ZHX2: variants seen among roughly 807,000 people sequenced by gnomAD.
The protein encoded by ZHX2 is zinc fingers and homeoboxes 2.
Under a neutral mutation model 21.9 loss-of-function variants are expected in ZHX2, and 6 were observed. The observed-to-expected ratio is 0.27, with a 90% CI of 0.15 to 0.54. The LOEUF (loss-of-function observed/expected upper bound fraction) is 0.54. ZHX2 is among the 20% of genes least tolerant of loss of function. The pLI is 0.95. For missense variants in ZHX2, 908 were observed against 1,090.7 expected, an observed-to-expected ratio of 0.83 and a Z score of 2.36; for synonymous variants, 434 against 437.1, an observed-to-expected ratio of 0.99 and a Z score of 0.09.
At chr8:122,809,304 C>G (rs1817880296) in intron 1 of ZHX2, 1 of 152,200 alleles carries the variant, frequency 6.6e-6, no homozygotes, top group South Asian at 2.1e-4. Flanking sequence ...TCAAGACCAG[C>G]CTGGCCAAAA....
intron 2 of ZHX2, among the ~76,000 whole-genome samples, chr8:122,950,214 T>G (rs1813074193): frequency 6.6e-6 from 1 of 152,034 alleles, no homozygotes; most frequent in Non-Finnish European, 1.5e-5. Context: ...AAAAACGAAA[T>G]AAATTTCCAA....
chr8:122,791,348 C>T (rs1043165887), intron 1 of ZHX2, among the ~76,000 whole-genome samples: 2 of 152,206 alleles, frequency 1.3e-5, no homozygotes, highest in Non-Finnish European at 2.9e-5. Flanking sequence ...GTTTCACCCA[C>T]GTCAGGCTGG....
intron 2 of ZHX2, among the ~76,000 whole-genome samples, chr8:122,886,530 T>C (rs1819846007): frequency 6.6e-6 from 1 of 152,120 alleles, no homozygotes; most frequent in African/African-American, 2.4e-5. Context: ...TACCCCACCA[T>C]GCCGGATATT....
At chr8:122,818,434 G>A (rs192182995) in intron 1 of ZHX2, among the ~76,000 whole-genome samples, 5 of 152,126 alleles carry the variant, frequency 3.3e-5, no homozygotes, top group East Asian at 3.9e-4. Context: ...AATCAGACCC[G>A]GTCACCTCCC....
chr8:122,884,051 C>T (rs982600687), intron 2 of ZHX2, among the ~76,000 whole-genome samples: 53 of 152,316 alleles, frequency 3.5e-4, no homozygotes, highest in African/African-American at 1.3e-3. Context: ...CTAGGCTGGG[C>T]GGTAGAGCCT....
At chr8:122,862,010 G>C (rs543940407) in intron 1 of ZHX2, among the ~76,000 whole-genome samples, 2 of 152,268 alleles carry the variant, frequency 1.3e-5, no homozygotes, top group African/African-American at 4.8e-5. Flanking sequence ...GCAGAAGCTC[G>C]AATTCCCCTT....
chr8:122,877,784 T>C (rs895282584), intron 2 of ZHX2, among the ~76,000 whole-genome samples: 2 of 152,060 alleles, frequency 1.3e-5, no homozygotes, highest in Non-Finnish European at 2.9e-5. Context: ...AAGGAGGACT[T>C]GGGGGAGCTA....
At position 122,952,160 on chromosome 8, in the gene ZHX2, G is replaced by T; in HGVS notation, c.650G>T (p.Arg217Leu). Residue 217 changes from arginine to leucine, a missense_variant, in exon 3 of 4, where the codon CGC becomes CTC. By Grantham distance (102) the Arg-to-Leu change is moderately radical. Transcript: ENST00000314393. The surrounding 1 kb of genome is among the most constrained non-coding windows in gnomAD (Gnocchi z 6.9). ...GAGAACCACGTGGAAGGGACCGCCC[G>T]CCTGGTGACAGACACAGCTGAGATC... The part of the protein sequence containing the change: ...TPENHVEGTA[R>L]LVTDTAEILS... 1.9e-6 allele frequency: 3 copies of T among 1,613,002 alleles called. No homozygotes were observed. The highest frequency in any genetic ancestry group is 2.5e-6 in the Non-Finnish European group (3 of 1,179,804).
At chr8:122,859,984 C>G (rs1819122647) in intron 1 of ZHX2, among the ~76,000 whole-genome samples, 1 of 152,106 alleles carries the variant, frequency 6.6e-6, no homozygotes, top group East Asian at 1.9e-4. Context: ...TGTATCAGTC[C>G]ATTTTCACAC....
intron 2 of ZHX2, among the ~76,000 whole-genome samples, chr8:122,879,951 T>TGA (rs1209087624): frequency 6.6e-6 from 1 of 150,388 alleles, no homozygotes; most frequent in Admixed American, 6.7e-5. Context: ...AAACCAACAC[T>TGA]GAGAGAGGTT....
At chr8:122,797,861 G>A (rs1190590502) in intron 1 of ZHX2, among the ~76,000 whole-genome samples, 1 of 152,204 alleles carries the variant, frequency 6.6e-6, no homozygotes, top group Non-Finnish European at 1.5e-5. Flanking sequence ...CAGCACTAAT[G>A]ATACTGAGCA....
At chr8:122,833,890 G>C (rs974551944) in intron 1 of ZHX2, among the ~76,000 whole-genome samples, 2 of 151,988 alleles carry the variant, frequency 1.3e-5, no homozygotes, top group Non-Finnish European at 2.9e-5. Flanking sequence ...CCAGCTACTC[G>C]GGAGGCTGAG....
At chr8:122,884,101 A>C (rs1457557159) in intron 2 of ZHX2, among the ~76,000 whole-genome samples, 1 of 152,226 alleles carries the variant, frequency 6.6e-6, no homozygotes, top group African/African-American at 2.4e-5. Context: ...ATGTTACTGT[A>C]CTAAACACTG....
chr8:122,908,526 C>T (rs28430820), intron 2 of ZHX2, among the ~76,000 whole-genome samples: 10 of 152,226 alleles, frequency 6.6e-5, no homozygotes, highest in African/African-American at 2.4e-4. Context: ...CCTTGTTTTA[C>T]ATGGACCACG....
At chr8:122,950,483 A>G (rs1813082303) in intron 2 of ZHX2, among the ~76,000 whole-genome samples, 1 of 152,166 alleles carries the variant, frequency 6.6e-6, no homozygotes, top group Non-Finnish European at 1.5e-5. Context: ...TGCAGGGCTT[A>G]AAACCTAGAT....
intron 2 of ZHX2, among the ~76,000 whole-genome samples, chr8:122,906,811 C>T (rs1334041257): frequency 2.0e-5 from 3 of 151,770 alleles, no homozygotes; most frequent in African/African-American, 4.8e-5. Flanking sequence ...GCTGGGATTA[C>T]AGGCGCACAC....
chr8:122,847,143 G>T (rs1460120997), intron 1 of ZHX2, among the ~76,000 whole-genome samples: 1 of 152,152 alleles, frequency 6.6e-6, no homozygotes, highest in African/African-American at 2.4e-5. Context: ...ACCCTCAGAA[G>T]GAATCTATGT....
chr8:122,847,963 G>A (rs1233382740), intron 1 of ZHX2, among the ~76,000 whole-genome samples: 1 of 152,142 alleles, frequency 6.6e-6, no homozygotes, highest in African/African-American at 2.4e-5. Context: ...TCTGAAGATG[G>A]CTCCAAACAT....
rs191745499 is a variant in ZHX2 at position 122,824,490 on chromosome 8, C to T, written c.-282-38987C>T. Among the ~76,000 whole-genome samples, 566 of 152,332 alleles carry T rather than the reference C, an allele frequency of 3.7e-3. 6 individuals are homozygous for T. Among genetic ancestry groups the T allele is most frequent in the African/African-American group, 0.013 (539 of 41,570 alleles). On this transcript the variant is annotated intron_variant, in intron 1 of 3. Transcript: ENST00000314393. ...GGACGTGCTGTTCTCTGTCAACCCT[C>T]GCAACAAGTTGTCAGCCATTGTACA...
Sources: gnomAD v4.1 joint callset for allele counts (sites outside exome capture counted in the v4.1 genomes callset) on GRCh38, gnomAD v4.1.1 for gene constraint, Gnocchi (gnomAD v3.1) non-coding constraint, MANE v1.5 for transcripts, NCBI Gene and HGNC (gene_info 2026-07-23, HGNC 2026-07-21) for gene names.